COL4A5: variants seen among roughly 807,000 people sequenced by gnomAD.
The protein encoded by COL4A5 is collagen type IV alpha 5 chain.
In COL4A5, 26 loss-of-function variants were observed where a neutral mutation model predicts 130.2. The observed-to-expected ratio is 0.20, with a 90% CI of 0.15 to 0.28. The LOEUF (loss-of-function observed/expected upper bound fraction) is 0.28, where lower values mean the gene tolerates loss of function less well. COL4A5 is among the 10% of genes least tolerant of loss of function. The pLI, the probability that COL4A5 is intolerant of heterozygous loss-of-function variation, is 1.00. For synonymous variants in COL4A5, 496 were observed against 439.6 expected, an observed-to-expected ratio of 1.13 and a Z score of -1.60; for missense variants, 1,131 against 1,344.3, an observed-to-expected ratio of 0.84 and a Z score of 2.48.
At chrX:108,626,733 T>A (rs1267367997) in intron 36 of COL4A5, 1 of 884,255 alleles carries the variant, frequency 1.1e-6, no homozygotes, top group Admixed American at 5.6e-5. Context: ...CAGTTAATGC[T>A]AATGTAGTAG....
chrX:108,625,079 GA>G (rs748998140), intron 34 of COL4A5, among the ~76,000 whole-genome samples: 180 of 110,956 alleles, frequency 1.6e-3, no homozygotes, highest in African/African-American at 5.3e-3. Context: ...CATTGTAAAG[GA>G]AAAAAATAAA....
intron 36 of COL4A5, chrX:108,627,075 A>T (rs2067167260): frequency 1.5e-6 from 1 of 652,460 alleles, no homozygotes; most frequent in Non-Finnish European, 1.8e-6. Flanking sequence ...TTAATATTAT[A>T]TAAAAATACT....
rs781505411 is a variant in COL4A5, at chrX:108,694,832, G to A, written c.4732G>A (p.Val1578Met). ...ATGTGCAGTATGTGAAGCTCCAGCT[G>A]TGGTGATCGCAGTTCACAGTCAGAC... ...SRCAVCEAPAVVIAVHSQTIQ... is the reference protein window; with the variant it reads ...SRCAVCEAPAMVIAVHSQTIQ... Residue 1578 changes from valine to methionine, a missense_variant, in exon 51 of 53, where the codon GTG (valine) becomes ATG (methionine). Physicochemically the swap from Val to Met is conservative, Grantham distance 21. Transcript: ENST00000328300. The A allele has an allele frequency of 3.3e-6, 4 of 1,206,851 alleles. No homozygotes were observed. The South Asian group carries it at 5.3e-5, about 16-fold the overall frequency.
At chrX:108,518,100 C>T (rs1473439535) in intron 1 of COL4A5, among the ~76,000 whole-genome samples, 2 of 111,019 alleles carry the variant, frequency 1.8e-5, no homozygotes, top group Non-Finnish European at 3.8e-5. Context: ...AATAAAATAG[C>T]GTACACTTGG....
chrX:108,549,153 T>C (rs1477350395), intron 2 of COL4A5, among the ~76,000 whole-genome samples: 1 of 111,739 alleles, frequency 8.9e-6, no homozygotes, highest in Non-Finnish European at 1.9e-5. Flanking sequence ...TCAAAATACA[T>C]GAAGCCAAAA....
intron 37 of COL4A5, among the ~76,000 whole-genome samples, chrX:108,657,012 C>T (rs1432402249): frequency 9.0e-6 from 1 of 111,387 alleles, no homozygotes; most frequent in African/African-American, 3.3e-5. Flanking sequence ...TAATAAAATC[C>T]AGTGTATCAA....
intron 47 of COL4A5, among the ~76,000 whole-genome samples, chrX:108,684,140 T>C (rs1024950528): frequency 1.8e-5 from 2 of 111,572 alleles, no homozygotes; most frequent in East Asian, 5.6e-4. Context: ...CTTATAGCAC[T>C]AAATGCCCAC....
At chrX:108,581,545 C>T (rs1428727944) in intron 16 of COL4A5, among the ~76,000 whole-genome samples, 1 of 111,244 alleles carries the variant, frequency 9.0e-6, no homozygotes, top group Non-Finnish European at 1.9e-5. Flanking sequence ...TAGTTATCCC[C>T]TCCCTATTCC....
chrX:108,696,437 A>G lies in COL4A5; in HGVS notation c.*59A>G. 2 of 950,307 alleles carry G rather than the reference A, an allele frequency of 2.1e-6. No homozygotes were observed. The highest frequency in any genetic ancestry group is 3.0e-6 in the Non-Finnish European group (2 of 673,366). 78.3% of individuals were successfully genotyped at this position (950,307 alleles called of 1,213,427 possible). A position where few individuals can be genotyped will look rare whatever the true frequency, so the allele number is the denominator to read the frequency against. On this transcript the variant is annotated 3_prime_UTR_variant, in exon 53 of 53. Transcript: ENST00000328300. Reference sequence around the variant, plus strand: ...TGATATATATATATATAAAATTCCTAGGATGCAGTGTCTCATTGTCCCCAA... The same window carrying G: ...TGATATATATATATATAAAATTCCTGGGATGCAGTGTCTCATTGTCCCCAA...
At chrX:108,560,325 A>G (rs955989348) in intron 3 of COL4A5, among the ~76,000 whole-genome samples, 3 of 112,256 alleles carry the variant, frequency 2.7e-5, no homozygotes, top group Non-Finnish European at 5.6e-5. Flanking sequence ...TCTAGGTGCA[A>G]TATGAGGTGC....
At chrX:108,655,577 C>A (rs1465222399) in intron 37 of COL4A5, 120 bp downstream of exon 37, 2 of 821,165 alleles carry the variant, frequency 2.4e-6, no homozygotes, top group African/African-American at 4.1e-5. Context: ...TACTGACTAG[C>A]AACATAATCT....
chrX:108,509,689 A>C (rs1478883894), intron 1 of COL4A5, among the ~76,000 whole-genome samples: 7 of 112,049 alleles, frequency 6.2e-5, no homozygotes, highest in Non-Finnish European at 1.9e-5. Context: ...GCAAAGGAGC[A>C]CTTATACACT....
At chrX:108,658,783 TTTTA>T (rs749698679) in intron 37 of COL4A5, among the ~76,000 whole-genome samples, 2 of 111,363 alleles carry the variant, frequency 1.8e-5, no homozygotes, top group South Asian at 7.4e-4. Context: ...ATATAAGTAA[TTTTA>T]TTTCTTTATT....
chrX:108,601,849 A>G, intron 26 of COL4A5, 36 bp from the exon 27 acceptor site: 1 of 863,359 alleles, frequency 1.2e-6, no homozygotes, highest in Non-Finnish European at 1.7e-6. Flanking sequence ...TCTTTCTTTG[A>G]ACGTTTTCCT....
chrX:108,546,902 G>A (rs977983143), intron 2 of COL4A5, among the ~76,000 whole-genome samples: 2 of 111,572 alleles, frequency 1.8e-5, no homozygotes, highest in South Asian at 3.8e-4. Context: ...TGATCGAATT[G>A]GCTACTGAAA....
chrX:108,463,715 A>C (rs761268571), intron 1 of COL4A5, among the ~76,000 whole-genome samples: 1 of 111,491 alleles, frequency 9.0e-6, no homozygotes, highest in Non-Finnish European at 1.9e-5. Flanking sequence ...CCACTTCTCC[A>C]CATTGTTAGC....
chrX:108,572,648 G>A (rs759851004), intron 8 of COL4A5, among the ~76,000 whole-genome samples: 1 of 111,163 alleles, frequency 9.0e-6, no homozygotes, highest in Non-Finnish European at 1.9e-5. Flanking sequence ...GTCTCATCTG[G>A]ATTACTGCAA....
chrX:108,468,465 T>A (rs1253765122), intron 1 of COL4A5, among the ~76,000 whole-genome samples: 2 of 110,914 alleles, frequency 1.8e-5, no homozygotes, highest in East Asian at 5.6e-4. Context: ...GTTTTTCACC[T>A]TTGAGCATTC....
At position 108,603,046 on chromosome X, in the gene COL4A5, C is replaced by T. The variant is rs892169294; in HGVS notation, c.2229C>T (p.Gly743=). Residue 743 remains glycine (G), a synonymous_variant, in exon 28 of 53, where the codon GGC becomes GGT. Transcript: ENST00000328300. The stretch of plus-strand genomic sequence containing the variant: ...TAGAAGGCCCTCCTGGGCCACCCGG[C>T]TTTCCAGGACCAAAGGTCTGGGACA... The part of the protein sequence containing the change: ...IGLEGPPGPP[G]FPGPKGEPGF... 5 of 1,168,252 alleles carry T rather than the reference C, an allele frequency of 4.3e-6. No individual in the cohort carries two copies. The African/African-American group carries it at 5.3e-5, about 12-fold the overall frequency.
Sources: allele counts gnomAD v4.1 joint callset (sites outside exome capture counted in the v4.1 genomes callset), GRCh38; gene constraint gnomAD v4.1.1; transcripts MANE v1.5; gene names NCBI Gene and HGNC (gene_info 2026-07-23, HGNC 2026-07-21).